The following WWOX variants were observed in gnomAD, a reference collection of about 807,000 sequenced individuals.
WWOX encodes the protein WW domain containing oxidoreductase, also known as WW domain-containing oxidoreductase.
A neutral mutation model predicts 46.2 loss-of-function variants in WWOX; 69 were observed. The observed-to-expected ratio is 1.49, with a 90% CI of 1.23 to 1.82. The LOEUF (loss-of-function observed/expected upper bound fraction) is 1.82, where lower values mean the gene tolerates loss of function less well. Among genes scored for constraint, WWOX ranks in the 40% most tolerant of loss-of-function variants. The probability of loss-of-function intolerance (pLI) is 0.00; values close to 1 mark genes in which losing one functional copy is unlikely to be tolerated. For missense variants in WWOX, 919 were observed against 542.6 expected (o/e 1.69, Z -6.89); for synonymous variants, 359 against 202.6 (o/e 1.77, Z -6.56).
At chr16:78,380,417 A>G (rs554701892) in intron 5 of WWOX, among the ~76,000 whole-genome samples, 3 of 152,226 alleles carry the variant, frequency 2.0e-5, no homozygotes, top group Admixed American at 6.5e-5. Flanking sequence ...CGAAGATGCT[A>G]TAGGGATAAA....
intron 8 of WWOX, among the ~76,000 whole-genome samples, chr16:78,645,097 T>C (rs1309734923): frequency 6.6e-6 from 1 of 152,204 alleles, no homozygotes; most frequent in East Asian, 1.9e-4. Flanking sequence ...ACCCCAAGGC[T>C]AAGCAATATA....
Position 78,472,282 on chromosome 16 carries a change from G to A in WWOX, c.1056+39530G>A, listed in dbSNP as rs563904402. Among the ~76,000 whole-genome samples, 45 of 152,292 alleles carry A rather than the reference G, an allele frequency of 3.0e-4. No individual in the cohort carries two copies. The South Asian group carries it at 9.1e-3, about 31-fold the overall frequency. Reference sequence around the variant, plus strand: ...ATGACTAACGAGGATCAGAGGGAATGTGGTCAGCCTCTTATCTCATAAGCC... The same window carrying A: ...ATGACTAACGAGGATCAGAGGGAATATGGTCAGCCTCTTATCTCATAAGCC... On this transcript the variant is annotated intron_variant, in intron 8 of 8. Transcript: ENST00000566780.
At chr16:78,370,324 C>A (rs9934762) in intron 5 of WWOX, among the ~76,000 whole-genome samples, 9,903 of 151,952 alleles carry the variant, frequency 0.065, 1,047 homozygotes, top group African/African-American at 0.22. Context: ...TGGGTAAATT[C>A]ATATGTAAGT....
chr16:78,547,337 G>GA (rs1167935209), intron 8 of WWOX, among the ~76,000 whole-genome samples: 1 of 151,886 alleles, frequency 6.6e-6, no homozygotes, highest in Non-Finnish European at 1.5e-5. Flanking sequence ...ATTTACAGAT[G>GA]AAAAAAATGA....
At chr16:78,707,731 A>C (rs959975702) in intron 8 of WWOX, among the ~76,000 whole-genome samples, 1 of 151,928 alleles carries the variant, frequency 6.6e-6, no homozygotes, top group African/African-American at 2.4e-5. Flanking sequence ...AAAAATACAA[A>C]AATTAGCCTG....
rs770542796 is a variant in WWOX, at chr16:78,432,541, C to T, written c.845C>T (p.Pro282Leu). 2 of 1,614,054 alleles carry T rather than the reference C, an allele frequency of 1.2e-6. No individual in the cohort carries two copies. The highest frequency in any genetic ancestry group is 1.3e-5 in the African/African-American group (1 of 75,024). The change falls in exon 8 of 9, where the codon CCA becomes CTA. Residue 282 changes from proline to leucine, a missense_variant. Coordinates refer to ENST00000566780, the MANE Select transcript of WWOX (RefSeq NM_016373.4). ...LGKLDFSRLS[P>L]TKNDYWAMLA... is the part of the protein sequence containing the mutation. The stretch of plus-strand genomic sequence containing the variant: ...AAACTGGACTTCAGTCGCCTCTCTC[C>T]AACAAAAAACGACTATTGGGCGATG...
chr16:78,274,695 T>A (rs1474419751), intron 5 of WWOX, among the ~76,000 whole-genome samples: 5 of 152,176 alleles, frequency 3.3e-5, no homozygotes, highest in Admixed American at 3.3e-4. Context: ...CTTCACATCC[T>A]TCCTGGACAT....
intron 8 of WWOX, among the ~76,000 whole-genome samples, chr16:79,014,659 T>G (rs1174500222): frequency 6.6e-6 from 1 of 152,180 alleles, no homozygotes; most frequent in East Asian, 1.9e-4. Context: ...CATGTGTCAC[T>G]GCAGCAAAGG....
At chr16:78,220,723 T>A (rs1231038666) in intron 5 of WWOX, among the ~76,000 whole-genome samples, 3 of 152,210 alleles carry the variant, frequency 2.0e-5, no homozygotes, top group Non-Finnish European at 4.4e-5. Context: ...AATGCTGGTA[T>A]GACTAACAAG....
rs555554495 is a variant in WWOX, at chr16:79,099,439, G to A, written c.1057-112169G>A. Among the ~76,000 whole-genome samples, 12 of 152,304 alleles carry A rather than the reference G, an allele frequency of 7.9e-5. No individual in the cohort carries two copies. In the South Asian group the frequency reaches 2.3e-3, roughly 29 times the overall value. ...TGGAGACTGTGGTAAACTGCAGCGC[G>A]CACACTCTGTTAACAGAGGAGGTCA... On this transcript the variant is annotated intron_variant, in intron 8 of 8. Coordinates refer to ENST00000566780, the MANE Select transcript of WWOX (RefSeq NM_016373.4).
chr16:78,193,843 A>T (rs1458870858), intron 5 of WWOX, among the ~76,000 whole-genome samples: 1 of 149,634 alleles, frequency 6.7e-6, no homozygotes, highest in East Asian at 1.9e-4. Flanking sequence ...TATTATTTTC[A>T]ATTTTTTATT....
At chr16:78,436,838 G>A (rs2083345637) in intron 8 of WWOX, among the ~76,000 whole-genome samples, 1 of 152,202 alleles carries the variant, frequency 6.6e-6, no homozygotes, top group South Asian at 2.1e-4. Context: ...GCTCGGCATT[G>A]CTTCCGTCAG....
intron 5 of WWOX, among the ~76,000 whole-genome samples, chr16:78,262,515 G>A (rs1366843902): frequency 2.0e-5 from 3 of 152,140 alleles, no homozygotes; most frequent in African/African-American, 4.8e-5. Context: ...GATAATGGGG[G>A]CAGATGCAGC....
At chr16:78,456,249 A>G (rs1368048589) in intron 8 of WWOX, among the ~76,000 whole-genome samples, 3 of 152,206 alleles carry the variant, frequency 2.0e-5, no homozygotes, top group African/African-American at 7.2e-5. Flanking sequence ...TTTTTAACAT[A>G]GACACCAAAA....
intron 8 of WWOX, among the ~76,000 whole-genome samples, chr16:78,814,194 T>C (rs1040209965): frequency 6.6e-6 from 1 of 152,152 alleles, no homozygotes; most frequent in Non-Finnish European, 1.5e-5. Flanking sequence ...CCATAATAAT[T>C]CTGTCTTCTA....
intron 8 of WWOX, chr16:79,106,628 G>C (rs185284845): frequency 4.6e-5 from 4 of 87,598 alleles, no homozygotes; most frequent in Non-Finnish European, 3.9e-5. Context: ...AGAACGGTCT[G>C]GTTCTGTCAC....
chr16:79,131,996 C>G (rs1805126203), intron 8 of WWOX, among the ~76,000 whole-genome samples: 1 of 151,952 alleles, frequency 6.6e-6, no homozygotes, highest in Non-Finnish European at 1.5e-5. Flanking sequence ...CAGGAAAGAC[C>G]CACCCCCATG....
At chr16:78,890,572 GCT>G (rs2044568294) in intron 8 of WWOX, 1 of 152,174 alleles carries the variant, frequency 6.6e-6, no homozygotes, top group Non-Finnish European at 1.5e-5. Context: ...CTTTGTAGTT[GCT>G]CTCTTTTTGC....
chr16:78,849,065 A>T (rs962259405), intron 8 of WWOX, among the ~76,000 whole-genome samples: 3 of 152,172 alleles, frequency 2.0e-5, no homozygotes, highest in African/African-American at 7.2e-5. Flanking sequence ...CACTGTTGAC[A>T]ATCTTGCCAC....
Sources: gnomAD v4.1 joint callset for allele counts (sites outside exome capture counted in the v4.1 genomes callset) on GRCh38, gnomAD v4.1.1 for gene constraint, MANE v1.5 for transcripts, NCBI Gene and HGNC (gene_info 2026-07-23, HGNC 2026-07-21) for gene names.